The following MCM5 variants were observed in gnomAD, a reference collection of about 807,000 sequenced individuals.
MCM5 encodes the protein DNA replication licensing factor MCM5.
Under a neutral mutation model 79.9 loss-of-function variants are expected in MCM5, and 46 were observed. The observed-to-expected ratio is 0.58, with a 90% confidence interval of 0.45 to 0.74. The LOEUF (loss-of-function observed/expected upper bound fraction) is 0.74. Among genes scored for constraint, MCM5 ranks in the 30% least tolerant of loss-of-function variants. MCM5 has a pLI of 0.00. For synonymous variants in MCM5, 404 were observed against 390.5 expected (o/e 1.03, Z -0.41); for missense variants, 883 against 1,017.0 (o/e 0.87, Z 1.79).
At chr22:35,417,615 G>A in intron 12 of MCM5, 129 bp from the exon 13 acceptor site, 1 of 701,208 alleles carries the variant, frequency 1.4e-6, no homozygotes, top group Non-Finnish European at 2.6e-6. Context: ...GCACGCCTGA[G>A]ATCTCAGCAC....
intron 14 of MCM5, 46 bp from the exon 15 acceptor site, chr22:35,421,272 G>A (rs1234304316): frequency 1.3e-6 from 2 of 1,586,866 alleles, no homozygotes; most frequent in Admixed American, 3.4e-5. Flanking sequence ...GGGGAGGAAG[G>A]GAATAGCGGA....
chr22:35,413,291 G>A (rs563033994), intron 8 of MCM5, among the ~76,000 whole-genome samples: 3 of 152,216 alleles, frequency 2.0e-5, no homozygotes, highest in East Asian at 1.9e-4. Flanking sequence ...TGATCCGCCC[G>A]CCTCGGCCTC....
At position 35,424,174 on chromosome 22, in the gene MCM5, C is replaced by T; in HGVS notation, c.2124C>T (p.Ile708=). The T allele has an allele frequency of 6.4e-7, 1 of 1,552,036 alleles. No homozygotes were observed. The highest frequency in any genetic ancestry group is 8.7e-7 in the Non-Finnish European group (1 of 1,147,276). The change falls in exon 17 of 17, where the codon ATC becomes ATT. Residue 708 remains isoleucine (I), a synonymous_variant. Coordinates refer to ENST00000216122, the MANE Select transcript of MCM5 (RefSeq NM_006739.4). ...CACAGAAATACCCGGAGCACGCCAT[C>T]CACAAGGTGCTGCAGCTCATGCTGC... The part of the protein sequence containing the change: ...FTKQKYPEHA[I]HKVLQLMLRR...
At chr22:35,416,004 G>C (rs768041124) in intron 10 of MCM5, 32 bp downstream of exon 10, 1 of 1,599,736 alleles carries the variant, frequency 6.3e-7, no homozygotes, top group African/African-American at 1.3e-5. Context: ...GTAGCCAAAA[G>C]GTGGGTGGCA....
rs768389702 is a variant in MCM5 at position 35,419,897 on chromosome 22, C to T, written c.1717C>T (p.Arg573Trp). 1.6e-5 allele frequency: 26 copies of T among 1,611,594 alleles called. No individual in the cohort carries two copies. The highest frequency in any genetic ancestry group is 5.0e-5 in the Admixed American group (3 of 59,770). Residue 573 changes from arginine (R) to tryptophan (W), a missense_variant, in exon 14 of 17, where the codon CGG becomes TGG. Around this residue, in one of 3 missense-constraint regions of MCM5, gnomAD observed 426 missense variants for 482.3 expected, o/e 0.88. Transcript: ENST00000216122. ...ACTGTCCTGCAGGAAGTGTGGCCCC[C>T]GGCTGTCAGCAGAGGCTGCAGAGAA... ...IAYCRVKCGP[R>W]LSAEAAEKLK...
chr22:35,450,172 A>C, the MCM5 span, among the ~76,000 whole-genome samples: 1 of 152,144 alleles, frequency 6.6e-6, no homozygotes, highest in Non-Finnish European at 1.5e-5. Context: ...GGATAATGGA[A>C]TCTGCCTCCT....
chr22:35,417,551 A>G (rs1932577875), intron 12 of MCM5, among the ~76,000 whole-genome samples, 193 bp from the exon 13 acceptor site: 1 of 152,214 alleles, frequency 6.6e-6, no homozygotes, highest in South Asian at 2.1e-4. Context: ...TCTCTAAAGG[A>G]GAATCCAGAT....
At position 35,408,528 on chromosome 22, in the gene MCM5, G is replaced by C; in HGVS notation, c.717G>C (p.Gly239=). The C allele has an allele frequency of 1.2e-6, 2 of 1,614,088 alleles. No individual in the cohort carries two copies. Among genetic ancestry groups the C allele is most frequent in the Non-Finnish European group, 1.7e-6 (2 of 1,179,948 alleles). The change falls in exon 6 of 17, where the codon GGG becomes GGC. Residue 239 remains glycine (G), a synonymous_variant. Transcript: ENST00000216122. ...AGCTGCCTGATGCAGTCCCCCACGG[G>C]GAGATGCCCAGACACATGCAGCTCT... ...LQELPDAVPH[G]EMPRHMQLYC...
chr22:35,447,913 C>T, the MCM5 span, among the ~76,000 whole-genome samples: 3 of 152,178 alleles, frequency 2.0e-5, no homozygotes, highest in Non-Finnish European at 2.9e-5. Flanking sequence ...ATCCTGCCTC[C>T]CCGAGTCCAC....
chr22:35,426,690 G>C (rs145978142), downstream of MCM5, among the ~76,000 whole-genome samples: 3 of 152,332 alleles, frequency 2.0e-5, no homozygotes, highest in East Asian at 5.8e-4. Flanking sequence ...GTAGACATCA[G>C]AGCAGCTGGG....
chr22:35,404,949 A>G (rs1932167337), intron 4 of MCM5, among the ~76,000 whole-genome samples: 1 of 152,156 alleles, frequency 6.6e-6, no homozygotes, highest in African/African-American at 2.4e-5. Flanking sequence ...AAACATTAGA[A>G]TATAAAGAGA....
At position 35,412,715 on chromosome 22, in the gene MCM5, C is replaced by T. The variant is rs2307344; in HGVS notation, c.1091+34C>T. On this transcript the variant is annotated intron_variant, in intron 8 of 16. Coordinates refer to ENST00000216122, the MANE Select transcript of MCM5 (RefSeq NM_006739.4). The stretch of plus-strand genomic sequence containing the variant: ...TTGAGTTCCCTTGGGTTTGGGGAGG[C>T]GGCTGATGATGGGGCTCACAGTAGG... The T allele has an allele frequency of 0.074, 104,014 of 1,407,982 alleles. 4,069 individuals carry two copies. Among genetic ancestry groups the T allele is most frequent in the East Asian group, 0.12 (4,439 of 37,752 alleles). 87.2% of individuals were successfully genotyped at this position (1,407,982 alleles called of 1,614,324 possible).
the MCM5 span, among the ~76,000 whole-genome samples, chr22:35,452,392 C>T: frequency 1.3e-5 from 2 of 152,182 alleles, no homozygotes; most frequent in Non-Finnish European, 2.9e-5. Context: ...GTAGGCTCCA[C>T]GCCACAGGGA....
intron 15 of MCM5, 140 bp from the exon 16 acceptor site, chr22:35,423,074 C>G (rs1601764470): frequency 1.1e-6 from 1 of 870,990 alleles, no homozygotes. Flanking sequence ...GCCTGCACCA[C>G]CCTGGCACAC....
the MCM5 span, among the ~76,000 whole-genome samples, chr22:35,438,960 CACCCACATATTCATCCATCCATCT>C: frequency 3.3e-5 from 5 of 151,602 alleles, no homozygotes; most frequent in East Asian, 7.8e-4. Flanking sequence ...TGCATCCACC[CACCCACATATTCATCCATCCATCT>C]ACCCACATAT....
intron 13 of MCM5, 85 bp downstream of exon 13, chr22:35,417,941 C>T: frequency 1.1e-6 from 1 of 900,124 alleles, no homozygotes; most frequent in South Asian, 1.4e-5. Context: ...TCCTGCTCCT[C>T]CTCATGAAGA....
At chr22:35,410,518 G>T in intron 6 of MCM5, 1 of 517,248 alleles carries the variant, frequency 1.9e-6, no homozygotes, top group Non-Finnish European at 3.6e-6. Context: ...CTGTTTGGCT[G>T]TCACTGTGGG....
At chr22:35,428,415 C>A (rs1932791575), downstream of MCM5, among the ~76,000 whole-genome samples, 1 of 151,870 alleles carries the variant, frequency 6.6e-6, no homozygotes, top group South Asian at 2.1e-4. Flanking sequence ...CCTGCCTCGG[C>A]CTCCCAAAGT....
intron 10 of MCM5, 44 bp downstream of exon 10, chr22:35,416,016 C>T: frequency 6.3e-7 from 1 of 1,597,110 alleles, no homozygotes; most frequent in Non-Finnish European, 8.6e-7. Flanking sequence ...TGGGTGGCAC[C>T]AGGGTATGTG....
Sources: allele counts gnomAD v4.1 joint callset (sites outside exome capture counted in the v4.1 genomes callset), GRCh38; gene constraint gnomAD v4.1.1; regional missense constraint gnomAD v4.1.1; transcripts MANE v1.5; gene names NCBI Gene and HGNC (gene_info 2026-07-23, HGNC 2026-07-21).